The following EEA1 variants were observed in gnomAD, a reference collection of about 807,000 sequenced individuals.
EEA1 encodes the protein early endosome antigen 1.
A neutral mutation model predicts 209.2 loss-of-function variants in EEA1; 111 were observed. The ratio of observed to expected loss-of-function variants is 0.53; its 90% CI spans 0.45 to 0.62. The LOEUF is 0.62. Ranked by LOEUF, EEA1 falls within the 20% of genes least tolerant of loss-of-function variation. The pLI, the probability that EEA1 is intolerant of heterozygous loss-of-function variation, is 0.00. For synonymous variants in EEA1, 536 were observed against 540.6 expected (o/e 0.99, Z 0.12); for missense variants, 1,343 against 1,530.8 (o/e 0.88, Z 2.05).
At chr12:92,777,350 ATC>A (rs1408468169) in intron 27 of EEA1, among the ~76,000 whole-genome samples, 191 bp downstream of exon 27, 2 of 151,956 alleles carry the variant, frequency 1.3e-5, no homozygotes, top group African/African-American at 4.8e-5. Flanking sequence ...TTTCTAATGA[ATC>A]TCTGAGGTCT....
chr12:92,916,678 T>G (rs1042361058), intron 1 of EEA1, among the ~76,000 whole-genome samples: 1 of 100,518 alleles, frequency 9.9e-6, no homozygotes, highest in Admixed American at 8.8e-5. Context: ...GCTCTAAAAA[T>G]CAGAGCGCCT....
At chr12:92,776,348 A>G (rs11835062) in intron 28 of EEA1, among the ~76,000 whole-genome samples, 43,025 of 151,668 alleles carry the variant, frequency 0.28, 6,536 homozygotes, top group Non-Finnish European at 0.32. Flanking sequence ...AACATTTTAC[A>G]TAGAATTTAT....
chr12:92,789,143 A>C (rs1486101842), intron 21 of EEA1, among the ~76,000 whole-genome samples: 3 of 151,980 alleles, frequency 2.0e-5, no homozygotes, highest in Non-Finnish European at 4.4e-5. Flanking sequence ...TACAAAAATT[A>C]GCTGGGCATG....
At chr12:92,881,027 A>G (rs1879115758) in intron 2 of EEA1, among the ~76,000 whole-genome samples, 1 of 152,198 alleles carries the variant, frequency 6.6e-6, no homozygotes, top group African/African-American at 2.4e-5. Flanking sequence ...GAAACACCAG[A>G]CTATGCTAAC....
intron 3 of EEA1, among the ~76,000 whole-genome samples, chr12:92,860,976 T>TAC (rs1304544373): frequency 6.6e-6 from 1 of 151,218 alleles, no homozygotes; most frequent in Non-Finnish European, 1.5e-5. Flanking sequence ...AGGGGGGAAA[T>TAC]ACACACAACA....
chr12:92,854,022 T>C (rs1162163856), intron 5 of EEA1, 68 bp from the exon 6 acceptor site: 8 of 1,234,598 alleles, frequency 6.5e-6, no homozygotes, highest in African/African-American at 6.3e-5. Flanking sequence ...AAATGGTCAA[T>C]GTTAAAAAAT....
At chr12:92,876,265 T>A (rs943250794) in intron 2 of EEA1, among the ~76,000 whole-genome samples, 1 of 152,030 alleles carries the variant, frequency 6.6e-6, no homozygotes, top group African/African-American at 2.4e-5. Context: ...TTTGTAGAGA[T>A]GGCATCTCCC....
At chr12:92,887,858 T>C (rs550521808) in intron 2 of EEA1, among the ~76,000 whole-genome samples, 27 of 151,188 alleles carry the variant, frequency 1.8e-4, no homozygotes, top group African/African-American at 5.4e-4. Context: ...ATTGAGGCAA[T>C]AGTCAAAGAT....
intron 1 of EEA1, among the ~76,000 whole-genome samples, chr12:92,924,719 T>C (rs1358519377): frequency 2.0e-5 from 3 of 151,852 alleles, no homozygotes; most frequent in Admixed American, 2.0e-4. Context: ...AAAAGGCCAC[T>C]GGAATTAGAG....
chr12:92,915,310 T>C (rs1880724512), intron 1 of EEA1, among the ~76,000 whole-genome samples: 1 of 151,784 alleles, frequency 6.6e-6, no homozygotes, highest in Non-Finnish European at 1.5e-5. Context: ...CTACAAAAAA[T>C]ACAAAAAAGT....
At chr12:92,807,143 G>A (rs1283381109) in intron 18 of EEA1, among the ~76,000 whole-genome samples, 4 of 151,952 alleles carry the variant, frequency 2.6e-5, no homozygotes, top group Admixed American at 2.0e-4. Flanking sequence ...TAGTGGAGAC[G>A]AGGTTTCACC....
At chr12:92,883,787 AG>A in intron 2 of EEA1, 3 of 1,516,546 alleles carry the variant, frequency 2.0e-6, no homozygotes, top group Non-Finnish European at 2.7e-6. Flanking sequence ...TCTAAGTCAG[AG>A]TCTCCTAAAG....
rs957699910 is a variant in EEA1, at chr12:92,775,045, A to C, written c.*966T>G. 2.6e-5 allele frequency: 4 copies of C among 151,744 alleles called. No homozygotes were observed. The South Asian group carries it at 6.2e-4, about 24-fold the overall frequency. 9.4% of individuals were successfully genotyped at this position (151,744 alleles called of 1,614,324 possible). A position where few individuals can be genotyped will look rare whatever the true frequency, so the allele number is the denominator to read the frequency against. ...AAATGTTAAACCAAATAAAGGAAAA[A>C]ATCAGATCTATGTAAAAAGCAAACT... On this transcript the variant is annotated 3_prime_UTR_variant, in exon 29 of 29. Coordinates refer to ENST00000322349, the MANE Select transcript of EEA1 (RefSeq NM_003566.4).
At chr12:92,776,198 C>T in intron 28 of EEA1, 65 bp from the exon 29 acceptor site, 1 of 1,462,192 alleles carries the variant, frequency 6.8e-7, no homozygotes, top group Non-Finnish European at 9.2e-7. Context: ...TATGAAACTA[C>T]ATGAATACCA....
chr12:92,886,074 C>T (rs1197467152), intron 2 of EEA1, among the ~76,000 whole-genome samples: 8 of 151,238 alleles, frequency 5.3e-5, no homozygotes, highest in African/African-American at 1.9e-4. Flanking sequence ...TACTATAATG[C>T]TATAAACATT....
In EEA1 at chr12:92,771,332, G is replaced by C. The variant is rs1031264619; in HGVS notation, c.*4679C>G. ...GGTAGAGAGGATAATGTTTGGGCAA[G>C]TCATGTGCCCAGTAATTCCTTGAGG... On this transcript the variant is annotated 3_prime_UTR_variant, in exon 29 of 29. Transcript: ENST00000322349. 3.3e-5 allele frequency: 5 copies of C among 152,068 alleles called. No individual in the cohort carries two copies. Among genetic ancestry groups the C allele is most frequent in the African/African-American group, 4.8e-5 (2 of 41,430 alleles). 9.4% of individuals were successfully genotyped at this position (152,068 alleles called of 1,614,324 possible).
chr12:92,820,755 GTATA>G (rs34228902), intron 13 of EEA1, among the ~76,000 whole-genome samples: 1,541 of 146,764 alleles, frequency 0.01, 28 homozygotes, highest in African/African-American at 0.032. Flanking sequence ...AGAGCTTAAA[GTATA>G]TATATATATA....
intron 20 of EEA1, among the ~76,000 whole-genome samples, chr12:92,800,618 AAAT>A (rs1275508862): frequency 2.6e-5 from 4 of 152,346 alleles, no homozygotes; most frequent in East Asian, 1.9e-4. Flanking sequence ...ACCAATGATA[AAAT>A]AATAACTAGC....
At chr12:92,843,939 C>G (rs1877286554) in intron 9 of EEA1, among the ~76,000 whole-genome samples, 1 of 152,038 alleles carries the variant, frequency 6.6e-6, no homozygotes, top group African/African-American at 2.4e-5. Context: ...CTTTTGGAAA[C>G]CCTTCCAGAG....
Sources: gnomAD v4.1 joint callset for allele counts (sites outside exome capture counted in the v4.1 genomes callset) on GRCh38, gnomAD v4.1.1 for gene constraint, MANE v1.5 for transcripts, NCBI Gene and HGNC (gene_info 2026-07-23, HGNC 2026-07-21) for gene names.